PILRA: variants seen among roughly 807,000 people sequenced by gnomAD.
PILRA encodes the protein paired immunoglobin like type 2 receptor alpha.
In PILRA, 37 loss-of-function variants were observed where a neutral mutation model predicts 33.1. The ratio of observed to expected loss-of-function variants is 1.12; its 90% CI spans 0.86 to 1.47. The LOEUF (loss-of-function observed/expected upper bound fraction) is 1.47. PILRA is among the 40% of genes most tolerant of loss of function. PILRA has a pLI of 0.00. For missense variants in PILRA, 312 were observed against 376.2 expected (o/e 0.83, Z 1.41); for synonymous variants, 146 against 149.9 (o/e 0.97, Z 0.19).
chr7:100,374,211 A>C lies in PILRA; in HGVS notation c.232A>C (p.Arg78=), dbSNP rs1859788. 6.2e-7 allele frequency: 1 copy of C among 1,613,842 alleles called. No individual in the cohort carries two copies. Among genetic ancestry groups the C allele is most frequent in the Non-Finnish European group, 8.5e-7 (1 of 1,179,968 alleles). The change falls in exon 2 of 7, where the codon AGG becomes CGG. Residue 78 remains arginine (R), a synonymous_variant. Coordinates refer to ENST00000198536, the MANE Select transcript of PILRA (RefSeq NM_013439.3). ...ATCCTGGAGACGGGGCCACTTCCAC[A>C]GGCAGTCCTTCTACAGCACAAGGCC... ...RISWRRGHFH[R]QSFYSTRPPS... is the part of the protein sequence containing the mutation.
chr7:100,399,034 G>A (rs1156603305), intron 4 of PILRA, among the ~76,000 whole-genome samples: 1 of 151,852 alleles, frequency 6.6e-6, no homozygotes, highest in African/African-American at 2.4e-5. Context: ...GAACTCCTGG[G>A]CTCAAGTGAT....
intron 3 of PILRA, among the ~76,000 whole-genome samples, chr7:100,390,620 G>A (rs1006063235): frequency 2.0e-5 from 3 of 152,202 alleles, no homozygotes; most frequent in Non-Finnish European, 2.9e-5. Context: ...AAGAACTATG[G>A]TAGCACTTAA....
chr7:100,373,355 A>G (rs1030161639), upstream of PILRA: 10 of 548,408 alleles, frequency 1.8e-5, no homozygotes, highest in Non-Finnish European at 2.9e-5. Flanking sequence ...CAGCCCCCCA[A>G]GGTCAGGCCC....
chr7:100,375,998 G>C lies in PILRA; in HGVS notation c.454+1565G>C, dbSNP rs547516860. ...GTTTCTCCCAGGCCCAGGCAGGAAG[G>C]GGGTGCATTGTCTGTAGAAAATGTT... On this transcript the variant is annotated intron_variant, in intron 2 of 6. Coordinates refer to ENST00000198536, the MANE Select transcript of PILRA (RefSeq NM_013439.3). 3.9e-5 allele frequency: 6 copies of C among 152,338 alleles called. No individual in the cohort carries two copies. In the East Asian group the frequency reaches 9.6e-4, roughly 24 times the overall value. 9.4% of individuals were successfully genotyped at this position (152,338 alleles called of 1,614,324 possible). A position where few individuals can be genotyped will look rare whatever the true frequency, so the allele number is the denominator to read the frequency against.
chr7:100,387,396 T>C (rs1372992873), intron 2 of PILRA, among the ~76,000 whole-genome samples: 1 of 152,002 alleles, frequency 6.6e-6, no homozygotes, highest in Non-Finnish European at 1.5e-5. Flanking sequence ...GTATTTTTAG[T>C]AGAGATGGGC....
chr7:100,382,194 C>A (rs938303947), intron 2 of PILRA, among the ~76,000 whole-genome samples: 4 of 152,230 alleles, frequency 2.6e-5, no homozygotes, highest in Non-Finnish European at 4.4e-5. Flanking sequence ...CAGCTGGGCT[C>A]CTGAGTCTAG....
Position 100,373,575 on chromosome 7 carries a change from C to A in PILRA, c.-82C>A. ...CCCGGCTCTCCTCACTCACCTCAAC[C>A]CCCAGGCGGCCCCTCCACAGGGCCC... On this transcript the variant is annotated 5_prime_UTR_variant, in exon 1 of 7. Transcript: ENST00000198536. 6.6e-7 allele frequency: 1 copy of A among 1,524,794 alleles called. No individual in the cohort carries two copies. The highest frequency in any genetic ancestry group is 9.1e-7 in the Non-Finnish European group (1 of 1,104,356). 94.5% of individuals were successfully genotyped at this position (1,524,794 alleles called of 1,614,324 possible). A position where few individuals can be genotyped will look rare whatever the true frequency, so the allele number is the denominator to read the frequency against.
At chr7:100,378,708 AAAAG>A (rs1401809486) in intron 2 of PILRA, among the ~76,000 whole-genome samples, 1 of 151,828 alleles carries the variant, frequency 6.6e-6, no homozygotes, top group Admixed American at 6.6e-5. Flanking sequence ...CTCAGGAAAA[AAAAG>A]AAAAAAGATT....
chr7:100,384,066 G>C (rs2130193910), intron 2 of PILRA, among the ~76,000 whole-genome samples: 1 of 152,246 alleles, frequency 6.6e-6, no homozygotes, highest in South Asian at 2.1e-4. Flanking sequence ...AGTGCACGAG[G>C]TGAGAGTTGG....
intron 3 of PILRA, 113 bp from the exon 4 acceptor site, chr7:100,397,766 C>T (rs1791530025): frequency 1.8e-6 from 2 of 1,115,844 alleles, no homozygotes; most frequent in Non-Finnish European, 2.7e-6. Flanking sequence ...TGGAGCAGCT[C>T]TGCTGCTCCG....
rs2048826046 is a variant in PILRA at position 100,373,738 on chromosome 7, C to T, written c.64+18C>T. 6.2e-7 allele frequency: 1 copy of T among 1,612,500 alleles called. No individual in the cohort carries two copies. The highest frequency in any genetic ancestry group is 1.3e-5 in the African/African-American group (1 of 74,922). ...GCAGCCTAGTGAGTACCCAGGACCACCCAGATGTGGGCTCTGCCCAAACCA... is the reference window on the plus strand; with the variant it reads ...GCAGCCTAGTGAGTACCCAGGACCATCCAGATGTGGGCTCTGCCCAAACCA... On this transcript the variant is annotated intron_variant, in intron 1 of 6. Coordinates refer to ENST00000198536, the MANE Select transcript of PILRA (RefSeq NM_013439.3).
At chr7:100,373,965 G>A (rs1276640916) in intron 1 of PILRA, 79 bp from the exon 2 acceptor site, 25 of 1,540,638 alleles carry the variant, frequency 1.6e-5, no homozygotes, top group Middle Eastern at 1.7e-4. Flanking sequence ...GTGAAGGTGC[G>A]GGAGGGTCTG....
At chr7:100,378,853 G>A (rs1425627648) in intron 2 of PILRA, among the ~76,000 whole-genome samples, 3 of 152,154 alleles carry the variant, frequency 2.0e-5, no homozygotes. Context: ...AGCACTTTGG[G>A]AGGTCAAGGC....
In PILRA at chr7:100,390,012, T is replaced by C; in HGVS notation, c.579T>C (p.Ser193=). Residue 193 remains serine (S), a synonymous_variant, in exon 3 of 7, where the codon AGT becomes AGC. Coordinates refer to ENST00000198536, the MANE Select transcript of PILRA (RefSeq NM_013439.3). The stretch of plus-strand genomic sequence containing the variant: ...GACGCTCAGACTCTTGGCACATAAG[T>C]CTGGAGACTGCTGTGGGGGTGGCAG... The part of the protein sequence containing the change: ...GKRRSDSWHI[S]LETAVGVAVA... 1.2e-6 allele frequency: 2 copies of C among 1,614,026 alleles called. No individual in the cohort carries two copies. The highest frequency in any genetic ancestry group is 1.6e-4 in the Middle Eastern group (1 of 6,062).
chr7:100,371,671 C>T (rs1352036504), upstream of PILRA, among the ~76,000 whole-genome samples: 5 of 152,210 alleles, frequency 3.3e-5, no homozygotes, highest in African/African-American at 1.2e-4. Flanking sequence ...TGCATTTAGG[C>T]TCTGCCCACA....
intron 3 of PILRA, 140 bp downstream of exon 3, chr7:100,390,246 G>T: frequency 1.4e-6 from 1 of 704,810 alleles, no homozygotes; most frequent in East Asian, 2.7e-5. Flanking sequence ...CGTGGCCTAT[G>T]CTGAGGTGTC....
chr7:100,395,539 TA>T (rs2130236227), intron 3 of PILRA, among the ~76,000 whole-genome samples: 2 of 152,304 alleles, frequency 1.3e-5, no homozygotes, highest in South Asian at 4.1e-4. Context: ...TGTTTTTTTA[TA>T]AATTATACAG....
chr7:100,375,987 C>T (rs1790938591), intron 2 of PILRA: 2 of 152,210 alleles, frequency 1.3e-5, no homozygotes, highest in Admixed American at 1.3e-4. Flanking sequence ...CTCCCAGGCC[C>T]AGGCAGGAAG....
rs774181997 is a variant in PILRA at position 100,373,729 on chromosome 7, C to T, written c.64+9C>T. On this transcript the variant is annotated intron_variant, in intron 1 of 6. Transcript: ENST00000198536. ...AGCATTTCTGCAGCCTAGTGAGTACCCAGGACCACCCAGATGTGGGCTCTG... is the reference window on the plus strand; with the variant it reads ...AGCATTTCTGCAGCCTAGTGAGTACTCAGGACCACCCAGATGTGGGCTCTG... 1 of 1,612,876 alleles carries T rather than the reference C, an allele frequency of 6.2e-7. No individual in the cohort carries two copies. Among genetic ancestry groups the T allele is most frequent in the Non-Finnish European group, 8.5e-7 (1 of 1,179,944 alleles).
Sources: allele counts gnomAD v4.1 joint callset (sites outside exome capture counted in the v4.1 genomes callset), GRCh38; gene constraint gnomAD v4.1.1; transcripts MANE v1.5; gene names NCBI Gene and HGNC (gene_info 2026-07-23, HGNC 2026-07-21).